SPECC1: variants seen among roughly 807,000 people sequenced by gnomAD.
SPECC1 encodes sperm antigen with calponin homology and coiled-coil domains 1.
SPECC1 carries 62 observed loss-of-function variants against 104.1 expected under a neutral mutation model. The ratio of observed to expected loss-of-function variants is 0.60; its 90% CI spans 0.49 to 0.74. The LOEUF is 0.74. SPECC1 is among the 30% of genes least tolerant of loss of function. The pLI, the probability that SPECC1 is intolerant of heterozygous loss-of-function variation, is 0.00. For missense variants in SPECC1, 1,306 were observed against 1,310.5 expected, an observed-to-expected ratio of 1.00 and a Z score of 0.05; for synonymous variants, 513 against 501.6, an observed-to-expected ratio of 1.02 and a Z score of -0.30.
At chr17:20,187,679 A>T (rs181111648) in intron 3 of SPECC1, among the ~76,000 whole-genome samples, 288 of 152,254 alleles carry the variant, frequency 1.9e-3, no homozygotes, top group Non-Finnish European at 3.7e-3. Flanking sequence ...TGTAAGCTTG[A>T]GTTGGGTTTT....
chr17:20,108,210 A>G (rs1373825757), intron 2 of SPECC1, among the ~76,000 whole-genome samples: 1 of 151,802 alleles, frequency 6.6e-6, no homozygotes, highest in Non-Finnish European at 1.5e-5. Flanking sequence ...AGCACAGTAA[A>G]GTTTTAAAAA....
chr17:20,194,502 A>ATTGTTTTTTTTTTTTTTTTTT, intron 3 of SPECC1, among the ~76,000 whole-genome samples: 1 of 86,566 alleles, frequency 1.2e-5, no homozygotes, highest in Non-Finnish European at 2.1e-5. Context: ...AAGAGAACGA[A>ATTGTTTTTTTTTTTTTTTTTT]TTTTTTTTTT....
intron 1 of SPECC1, among the ~76,000 whole-genome samples, chr17:20,091,204 CTA>C (rs2047386751): frequency 6.6e-6 from 1 of 152,112 alleles, no homozygotes; most frequent in South Asian, 2.1e-4. Context: ...GAATCTGAGG[CTA>C]TTGGGATGAT....
At chr17:20,136,426 TAAA>T (rs10577710) in intron 3 of SPECC1, among the ~76,000 whole-genome samples, 66 of 144,238 alleles carry the variant, frequency 4.6e-4, no homozygotes, top group Non-Finnish European at 7.8e-4. Flanking sequence ...CTCCATCTAT[TAAA>T]AAAAAAAAAA....
At chr17:20,290,448 CAGCTTCCCAAGT>C (rs2041125642) in intron 12 of SPECC1, 1 of 151,794 alleles carries the variant, frequency 6.6e-6, no homozygotes, top group Non-Finnish European at 1.5e-5. Context: ...TCTCCCACCT[CAGCTTCCCAAGT>C]AGCTGCAACT....
chr17:20,258,293 A>T (rs1265945088), intron 11 of SPECC1, among the ~76,000 whole-genome samples: 3 of 152,206 alleles, frequency 2.0e-5, no homozygotes, highest in African/African-American at 7.2e-5. Flanking sequence ...TGTCACAGGG[A>T]TGTAAAGGAA....
chr17:20,240,197 A>G (rs1195769927), intron 7 of SPECC1, among the ~76,000 whole-genome samples: 1 of 148,242 alleles, frequency 6.7e-6, no homozygotes, highest in Non-Finnish European at 1.5e-5. Context: ...GATTACAGCC[A>G]TGAGCCACCA....
At chr17:20,069,799 C>A (rs2046482421) in intron 1 of SPECC1, among the ~76,000 whole-genome samples, 1 of 151,928 alleles carries the variant, frequency 6.6e-6, no homozygotes, top group South Asian at 2.1e-4. Context: ...CTTACTCATA[C>A]ATATTGATAA....
intron 13 of SPECC1, among the ~76,000 whole-genome samples, chr17:20,302,333 G>T (rs1252195897): frequency 1.3e-5 from 2 of 152,210 alleles, no homozygotes; most frequent in Admixed American, 6.5e-5. Flanking sequence ...GACTGAAGCA[G>T]TGATGGCGTC....
At chr17:20,013,130 A>G (rs1450773521) in intron 1 of SPECC1, among the ~76,000 whole-genome samples, 1 of 152,218 alleles carries the variant, frequency 6.6e-6, no homozygotes, top group Non-Finnish European at 1.5e-5. Flanking sequence ...TTGGTTCCAC[A>G]TCATAGCTAT....
At chr17:20,215,256 CAGA>C (rs2037414103) in intron 4 of SPECC1, among the ~76,000 whole-genome samples, 1 of 152,218 alleles carries the variant, frequency 6.6e-6, no homozygotes, top group Non-Finnish European at 1.5e-5. Context: ...TCCACAGTGT[CAGA>C]GGAGGTTGCG....
At position 20,135,447 on chromosome 17, in the gene SPECC1, C is replaced by T. The variant is rs566054677; in HGVS notation, c.283+24885C>T. On this transcript the variant is annotated intron_variant, in intron 3 of 14. Transcript: ENST00000395527. ...TAAGCCAAGAAGTTTGCAATAAAAT[C>T]AAATTTGTTTATGTATTCATTTGAG... 3.9e-5 allele frequency among the ~76,000 whole-genome samples: 6 copies of T among 152,172 alleles called. No homozygotes were observed. The East Asian group carries it at 1.2e-3, about 29-fold the overall frequency.
chr17:20,213,663 G>T (rs746567934), intron 4 of SPECC1, among the ~76,000 whole-genome samples: 2 of 152,184 alleles, frequency 1.3e-5, no homozygotes, highest in Admixed American at 1.3e-4. Flanking sequence ...GGGAGAGGGG[G>T]TGAGTTGACC....
At chr17:20,047,605 CT>C (rs201604364) in intron 1 of SPECC1, among the ~76,000 whole-genome samples, 1,947 of 149,958 alleles carry the variant, frequency 0.013, 74 homozygotes, top group South Asian at 0.083. Context: ...TCGTATCTAA[CT>C]TTTTTTTTTG....
At chr17:20,016,095 G>A (rs943997610) in intron 1 of SPECC1, among the ~76,000 whole-genome samples, 2 of 151,320 alleles carry the variant, frequency 1.3e-5, no homozygotes, top group African/African-American at 2.4e-5. Flanking sequence ...GCGATTGCCT[G>A]TAGTCCCAGC....
intron 14 of SPECC1, among the ~76,000 whole-genome samples, chr17:20,313,490 G>C (rs1040247583): frequency 6.6e-6 from 1 of 152,184 alleles, no homozygotes; most frequent in Non-Finnish European, 1.5e-5. Flanking sequence ...CAGTTTCCCT[G>C]GTGAGTGCAC....
chr17:20,296,233 A>G (rs370034147), intron 12 of SPECC1, among the ~76,000 whole-genome samples: 2 of 152,208 alleles, frequency 1.3e-5, no homozygotes, highest in South Asian at 2.1e-4. Flanking sequence ...TCAGCTTTCT[A>G]CATATGGCTA....
intron 7 of SPECC1, among the ~76,000 whole-genome samples, chr17:20,241,932 C>T (rs900433805): frequency 1.3e-5 from 2 of 152,150 alleles, no homozygotes; most frequent in African/African-American, 4.8e-5. Flanking sequence ...GGTGAATAGT[C>T]CAAAACTAGA....
At chr17:20,016,171 T>A (rs918463787) in intron 1 of SPECC1, among the ~76,000 whole-genome samples, 46 of 144,146 alleles carry the variant, frequency 3.2e-4, no homozygotes, top group African/African-American at 1.1e-3. Context: ...TGAGCCAGGA[T>A]GGCACCACTG....
Sources: gnomAD v4.1 joint callset for allele counts (sites outside exome capture counted in the v4.1 genomes callset) on GRCh38, gnomAD v4.1.1 for gene constraint, MANE v1.5 for transcripts, NCBI Gene and HGNC (gene_info 2026-07-23, HGNC 2026-07-21) for gene names.